The following PAX5 variants were observed in gnomAD, a reference collection of about 807,000 sequenced individuals.
PAX5 encodes paired box 5.
Under a neutral mutation model 43.7 loss-of-function variants are expected in PAX5, and 9 were observed. That is an observed-to-expected ratio of 0.21 (90% CI 0.12 to 0.36). The LOEUF (loss-of-function observed/expected upper bound fraction) is 0.36, where lower values mean the gene tolerates loss of function less well. Ranked by LOEUF, PAX5 falls within the 10% of genes least tolerant of loss-of-function variation. The pLI is 1.00. For synonymous variants in PAX5, 228 were observed against 214.3 expected (o/e 1.06, Z -0.56); for missense variants, 383 against 532.7 (o/e 0.72, Z 2.77).
intron 7 of PAX5, among the ~76,000 whole-genome samples, chr9:36,883,352 AAAG>A (rs1177604216): frequency 6.6e-6 from 1 of 152,200 alleles, no homozygotes; most frequent in Non-Finnish European, 1.5e-5. Flanking sequence ...GAACCCAGGG[AAAG>A]AAGGAGGAAG....
intron 7 of PAX5, among the ~76,000 whole-genome samples, chr9:36,919,785 A>G (rs1013123677): frequency 2.9e-5 from 4 of 138,676 alleles, no homozygotes; most frequent in Non-Finnish European, 4.6e-5. Context: ...GGTTGCAGTG[A>G]GCCCAGATCA....
At chr9:36,986,900 C>G (rs1836480891) in intron 5 of PAX5, among the ~76,000 whole-genome samples, 1 of 152,198 alleles carries the variant, frequency 6.6e-6, no homozygotes, top group African/African-American at 2.4e-5. Flanking sequence ...CACGAGTAGG[C>G]TCGAAGGAGA....
At chr9:36,868,924 G>A (rs1229138908) in intron 8 of PAX5, among the ~76,000 whole-genome samples, 2 of 152,178 alleles carry the variant, frequency 1.3e-5, no homozygotes, top group African/African-American at 4.8e-5. Flanking sequence ...TAACTCTAAA[G>A]CACCATGCAG....
chr9:36,986,427 T>C (rs1836425563), intron 5 of PAX5, among the ~76,000 whole-genome samples: 1 of 151,642 alleles, frequency 6.6e-6, no homozygotes, highest in South Asian at 2.1e-4. Flanking sequence ...TGACTTAGAC[T>C]GATTGGCTTC....
chr9:36,933,067 C>A (rs1563982712), intron 6 of PAX5, among the ~76,000 whole-genome samples: 1 of 151,394 alleles, frequency 6.6e-6, no homozygotes, highest in Non-Finnish European at 1.5e-5. Context: ...TTGCTTGAAC[C>A]CCAGAGGCGA....
intron 6 of PAX5, among the ~76,000 whole-genome samples, chr9:36,935,898 C>T (rs1588020617): frequency 1.3e-5 from 2 of 152,370 alleles, no homozygotes; most frequent in South Asian, 4.1e-4. Context: ...CCAGTGCCCT[C>T]CCTGCCTGGA....
chr9:37,011,919 A>C (rs1838965608), intron 3 of PAX5, among the ~76,000 whole-genome samples: 1 of 152,190 alleles, frequency 6.6e-6, no homozygotes, highest in Admixed American at 6.5e-5. Context: ...TTTGCAAGGC[A>C]GGCATTTAGA....
chr9:37,028,830 A>G (rs1045314796), intron 1 of PAX5, among the ~76,000 whole-genome samples: 5 of 152,236 alleles, frequency 3.3e-5, no homozygotes, highest in Non-Finnish European at 7.3e-5. Flanking sequence ...TCCTGTCCCT[A>G]TGTAGACAAA....
In PAX5 at chr9:36,840,417, G is replaced by T; in HGVS notation, c.*143C>A. On this transcript the variant is annotated 3_prime_UTR_variant, in exon 10 of 10. Coordinates refer to ENST00000358127, the MANE Select transcript of PAX5 (RefSeq NM_016734.3). ...CCAAAGGGCCCCAGAGTCCCTGGAG[G>T]AAGAGAGGAAGAGGGGAGCTTCAGG... 1.3e-6 allele frequency: 1 copy of T among 798,848 alleles called. No homozygotes were observed. Among genetic ancestry groups the T allele is most frequent in the South Asian group, 1.5e-5 (1 of 68,110 alleles). 49.5% of individuals were successfully genotyped at this position (798,848 alleles called of 1,614,324 possible).
At chr9:36,941,531 C>T (rs899565694) in intron 6 of PAX5, among the ~76,000 whole-genome samples, 1 of 152,136 alleles carries the variant, frequency 6.6e-6, no homozygotes, top group Non-Finnish European at 1.5e-5. Context: ...TCAAGCACAA[C>T]CATTTGAAAT....
At position 36,906,611 on chromosome 9, in the gene PAX5, C is replaced by T. The variant is rs7039962; in HGVS notation, c.910+16744G>A. Among the ~76,000 whole-genome samples the T allele has an allele frequency of 3.5e-3, 533 of 152,260 alleles. 4 individuals are homozygous for T. Among genetic ancestry groups the T allele is most frequent in the African/African-American group, 9.8e-3 (407 of 41,536 alleles). On this transcript the variant is annotated intron_variant, in intron 7 of 9. Transcript: ENST00000358127. ...TGGGATTGGGGTAATTTGTTACAGC[C>T]GCAACTGGAAACTGCAGGAGGTCAA...
chr9:36,943,433 C>T (rs1210619983), intron 6 of PAX5, among the ~76,000 whole-genome samples: 1 of 151,672 alleles, frequency 6.6e-6, no homozygotes, highest in African/African-American at 2.4e-5. Flanking sequence ...ACGTTACTTT[C>T]GAAAATCAGA....
In PAX5 at chr9:36,966,573, G is replaced by C; in HGVS notation, c.756C>G (p.Thr252=). 6.2e-7 allele frequency: 1 copy of C among 1,614,172 alleles called. No homozygotes were observed. The highest frequency in any genetic ancestry group is 8.5e-7 in the Non-Finnish European group (1 of 1,180,020). Residue 252 remains threonine, a synonymous_variant, in exon 6 of 10, where the codon ACC becomes ACG. Coordinates refer to ENST00000358127, the MANE Select transcript of PAX5 (RefSeq NM_016734.3). ...CCTGCTCGGGCTTGATGGGCTCTGTGGTGGTGAAGATGTCTGAGTAGTGCT... is the reference window on the plus strand; with the variant it reads ...CCTGCTCGGGCTTGATGGGCTCTGTCGTGGTGAAGATGTCTGAGTAGTGCT... The part of the protein sequence containing the change: ...ERQHYSDIFT[T]TEPIKPEQTT...
intron 7 of PAX5, among the ~76,000 whole-genome samples, chr9:36,891,338 G>A (rs961967788): frequency 2.6e-5 from 4 of 152,240 alleles, no homozygotes; most frequent in Admixed American, 1.3e-4. Flanking sequence ...CTTAGGGAGA[G>A]GGGGAGAAAC....
chr9:36,984,790 G>C (rs1836257086), intron 5 of PAX5, among the ~76,000 whole-genome samples: 1 of 152,016 alleles, frequency 6.6e-6, no homozygotes, highest in Admixed American at 6.6e-5. Flanking sequence ...AAACAGTATT[G>C]GTACATACAC....
chr9:36,929,008 G>A (rs887169530), intron 6 of PAX5, among the ~76,000 whole-genome samples: 5 of 152,152 alleles, frequency 3.3e-5, no homozygotes, highest in Admixed American at 1.3e-4. Flanking sequence ...CAGGAAACTC[G>A]GTCAAATTCA....
At chr9:36,922,591 G>A (rs1007163987) in intron 7 of PAX5, 4 of 152,408 alleles carry the variant, frequency 2.6e-5, no homozygotes, top group Non-Finnish European at 5.9e-5. Flanking sequence ...CACAGGGAGA[G>A]GGTTCTCAGA....
rs774623159 is a variant in PAX5 at position 37,034,079 on chromosome 9, T to C, written c.-48A>G. On this transcript the variant is annotated 5_prime_UTR_variant, in exon 1 of 10. Transcript: ENST00000358127. ...GAATGGACAGGGAAAAGTTTCCACT[T>C]TTTTGTGCCTTTTTTTTTCTTTTTT... 9.4e-7 allele frequency: 1 copy of C among 1,061,570 alleles called. No homozygotes were observed. Among genetic ancestry groups the C allele is most frequent in the Non-Finnish European group, 1.4e-6 (1 of 720,664 alleles). 65.8% of individuals were successfully genotyped at this position (1,061,570 alleles called of 1,614,324 possible).
intron 7 of PAX5, among the ~76,000 whole-genome samples, chr9:36,884,576 C>T (rs1004727676): frequency 2.0e-5 from 3 of 152,090 alleles, no homozygotes; most frequent in African/African-American, 7.2e-5. Flanking sequence ...ATGTCAAGAA[C>T]ATGTCAAGGA....
Sources: gnomAD v4.1 joint callset for allele counts (sites outside exome capture counted in the v4.1 genomes callset) on GRCh38, gnomAD v4.1.1 for gene constraint, MANE v1.5 for transcripts, NCBI Gene and HGNC (gene_info 2026-07-23, HGNC 2026-07-21) for gene names.